The following DMD variants were observed in gnomAD, a reference collection of about 807,000 sequenced individuals.
DMD encodes the protein mutant dystrophin.
DMD carries 63 observed loss-of-function variants against 330.1 expected under a neutral mutation model. That is an observed-to-expected ratio of 0.19 (90% CI 0.16 to 0.24). The LOEUF (loss-of-function observed/expected upper bound fraction) is 0.24, where lower values mean the gene tolerates loss of function less well. DMD is among the 10% of genes least tolerant of loss of function. DMD has a pLI of 1.00. For missense variants in DMD, 3,344 were observed against 2,684.1 expected (o/e 1.25, Z -5.43); for synonymous variants, 1,223 against 959.8 (o/e 1.27, Z -5.07).
chrX:32,924,253 C>G (rs1248035565), intron 2 of DMD, among the ~76,000 whole-genome samples: 1 of 111,815 alleles, frequency 8.9e-6, no homozygotes, highest in Non-Finnish European at 1.9e-5. Flanking sequence ...CTAGACCAGG[C>G]ATGATGGATC....
intron 17 of DMD, among the ~76,000 whole-genome samples, chrX:32,521,611 G>C (rs1299420201): frequency 8.9e-6 from 1 of 112,123 alleles, no homozygotes; most frequent in Non-Finnish European, 1.9e-5. Context: ...GAATTCCACA[G>C]CTATATAACC....
intron 52 of DMD, 26 bp downstream of exon 52, chrX:31,729,605 T>C (rs2086345336): frequency 9.0e-7 from 1 of 1,116,184 alleles, no homozygotes; most frequent in Non-Finnish European, 1.2e-6. Context: ...TTGCTTTGTG[T>C]GTCCCATGCT....
At chrX:32,104,987 C>G (rs925498331) in intron 44 of DMD, among the ~76,000 whole-genome samples, 1 of 112,191 alleles carries the variant, frequency 8.9e-6, no homozygotes, top group East Asian at 2.8e-4. Flanking sequence ...ACACAAAACA[C>G]GCTTTGTGTT....
intron 4 of DMD, among the ~76,000 whole-genome samples, chrX:32,840,464 C>A (rs1002530311): frequency 9.0e-6 from 1 of 111,047 alleles, no homozygotes; most frequent in African/African-American, 3.3e-5. Context: ...GTGGAATATG[C>A]ATATAGAAAA....
chrX:32,822,971 T>C (rs989398019), intron 5 of DMD, among the ~76,000 whole-genome samples: 5 of 111,676 alleles, frequency 4.5e-5, no homozygotes, highest in African/African-American at 1.3e-4. Context: ...AAATAAAACA[T>C]ACTAAATTAA....
At chrX:32,131,630 T>C (rs746461362) in intron 44 of DMD, among the ~76,000 whole-genome samples, 2 of 112,329 alleles carry the variant, frequency 1.8e-5, no homozygotes, top group Non-Finnish European at 3.8e-5. Context: ...AATAATTTCT[T>C]AGTCAGGGAT....
chrX:32,952,336 G>A (rs532610620), intron 2 of DMD, among the ~76,000 whole-genome samples: 1 of 110,268 alleles, frequency 9.1e-6, no homozygotes, highest in Non-Finnish European at 1.9e-5. Context: ...ATTTCACCGC[G>A]TTGGTCAGGC....
intron 1 of DMD, among the ~76,000 whole-genome samples, chrX:33,032,438 G>A (rs1468691214): frequency 8.9e-6 from 1 of 112,067 alleles, no homozygotes; most frequent in East Asian, 2.8e-4. Flanking sequence ...CAGGTAAATA[G>A]TAAATGTGGC....
At chrX:33,224,646 C>T (rs1474029711) in intron 1 of DMD, among the ~76,000 whole-genome samples, 1 of 111,496 alleles carries the variant, frequency 9.0e-6, no homozygotes, top group Non-Finnish European at 1.9e-5. Context: ...ATAGTAGATA[C>T]ACATCACTAT....
chrX:32,729,203 T>C (rs1217622462), intron 7 of DMD, among the ~76,000 whole-genome samples: 8 of 112,097 alleles, frequency 7.1e-5, no homozygotes, highest in Non-Finnish European at 1.5e-4. Context: ...GGATTTCAGA[T>C]TTTCAGATTA....
chrX:31,779,126 A>G (rs965094948), intron 50 of DMD, among the ~76,000 whole-genome samples: 3 of 111,832 alleles, frequency 2.7e-5, no homozygotes, highest in African/African-American at 9.8e-5. Flanking sequence ...TGTTAAGTCA[A>G]TATTTTAAAA....
chrX:32,175,451 C>G (rs760656160), intron 44 of DMD, among the ~76,000 whole-genome samples: 3 of 110,850 alleles, frequency 2.7e-5, no homozygotes, highest in Admixed American at 1.9e-4. Flanking sequence ...CAGCGGCAAC[C>G]TGCTTGGGTC....
chrX:33,165,580 AT>A (rs1222962058), intron 1 of DMD, among the ~76,000 whole-genome samples: 1 of 111,327 alleles, frequency 9.0e-6, no homozygotes, highest in Non-Finnish European at 1.9e-5. Flanking sequence ...AATAGCCAGT[AT>A]GAAAAAAAAA....
At chrX:31,387,839 C>T (rs2060516842) in intron 60 of DMD, among the ~76,000 whole-genome samples, 1 of 111,554 alleles carries the variant, frequency 9.0e-6, no homozygotes, top group Non-Finnish European at 1.9e-5. Flanking sequence ...AATGTCACCT[C>T]CTCAGTGGAA....
intron 25 of DMD, among the ~76,000 whole-genome samples, chrX:32,457,642 G>C (rs778895209): frequency 9.1e-6 from 1 of 109,711 alleles, no homozygotes. Flanking sequence ...CTTATATGCA[G>C]GTCAGTGGGA....
chrX:32,586,068 A>G (rs1370849840), intron 13 of DMD, among the ~76,000 whole-genome samples: 1 of 111,546 alleles, frequency 9.0e-6, no homozygotes, highest in Non-Finnish European at 1.9e-5. Context: ...ACTTGATACA[A>G]TGTGCAGTTG....
At chrX:32,319,616 T>G (rs940091009) in intron 41 of DMD, among the ~76,000 whole-genome samples, 2 of 111,701 alleles carry the variant, frequency 1.8e-5, no homozygotes, top group African/African-American at 6.5e-5. Context: ...TATGTCGCAT[T>G]TCTTCAATTC....
chrX:32,596,033 C>T (rs1372266787), intron 12 of DMD, among the ~76,000 whole-genome samples, 157 bp from the exon 13 acceptor site: 1 of 112,046 alleles, frequency 8.9e-6, no homozygotes, highest in African/African-American at 3.2e-5. Context: ...TCTGCTATGA[C>T]GCTCAGCAAA....
chrX:33,272,448 A>C (rs1167636298), intron 1 of DMD, among the ~76,000 whole-genome samples: 2 of 112,017 alleles, frequency 1.8e-5, no homozygotes, highest in Non-Finnish European at 3.8e-5. Flanking sequence ...CATGTTAAAG[A>C]ACAAAAAGGA....
Sources: allele counts gnomAD v4.1 joint callset (sites outside exome capture counted in the v4.1 genomes callset), GRCh38; gene constraint gnomAD v4.1.1; transcripts MANE v1.5; gene names NCBI Gene and HGNC (gene_info 2026-07-23, HGNC 2026-07-21).